The following SNRPD1 variants were observed in gnomAD, a reference collection of about 807,000 sequenced individuals.
SNRPD1 encodes small nuclear ribonucleoprotein D1 polypeptide, also known as small nuclear ribonucleoprotein Sm D1.
SNRPD1 carries 1 observed loss-of-function variant against 14.4 expected under a neutral mutation model. The observed-to-expected ratio is 0.07, with a 90% CI of 0.02 to 0.33. The LOEUF (loss-of-function observed/expected upper bound fraction) is 0.33. SNRPD1 is among the 10% of genes least tolerant of loss of function. SNRPD1 has a pLI of 1.00. For missense variants in SNRPD1, 52 were observed against 146.4 expected, an observed-to-expected ratio of 0.36 and a Z score of 3.33; for synonymous variants, 42 against 50.3, an observed-to-expected ratio of 0.83 and a Z score of 0.70.
In SNRPD1 at chr18:21,631,432, T is replaced by G. The variant is rs2039082822; in HGVS notation, c.*2294T>G. The G allele has an allele frequency of 7.6e-6, 1 of 131,258 alleles. No individual in the cohort carries two copies. Among genetic ancestry groups the G allele is most frequent in the Admixed American group, 7.7e-5 (1 of 13,018 alleles). 8.1% of individuals were successfully genotyped at this position (131,258 alleles called of 1,614,324 possible). A position where few individuals can be genotyped will look rare whatever the true frequency, so the allele number is the denominator to read the frequency against. ...TATGTAATTTTTCTCCACACGTTTT[T>G]TTTTTTTTTTTTTTTTTTTTTCTGG... On this transcript the variant is annotated 3_prime_UTR_variant, in exon 4 of 4. Coordinates refer to ENST00000300413, the MANE Select transcript of SNRPD1 (RefSeq NM_006938.4).
intron 1 of SNRPD1, among the ~76,000 whole-genome samples, chr18:21,614,602 C>A (rs2038944278): frequency 6.6e-6 from 1 of 152,182 alleles, no homozygotes; most frequent in Non-Finnish European, 1.5e-5. Context: ...TCACCCTAAC[C>A]AAAAACCTGG....
chr18:21,620,851 T>C (rs2038991667), intron 1 of SNRPD1, among the ~76,000 whole-genome samples: 1 of 151,962 alleles, frequency 6.6e-6, no homozygotes, highest in Admixed American at 6.6e-5. Flanking sequence ...ACGGAAGAAA[T>C]AGTTTTCCCA....
intron 3 of SNRPD1, among the ~76,000 whole-genome samples, chr18:21,624,374 CAA>C (rs768597872): frequency 3.7e-5 from 4 of 107,270 alleles, no homozygotes; most frequent in Non-Finnish European, 5.8e-5. Flanking sequence ...GCCACTGTCT[CAA>C]AAAAAAAAAA....
Position 21,623,849 on chromosome 18 carries a change from A to G in SNRPD1, c.193A>G (p.Ile65Val), listed in dbSNP as rs1439726672. 1 of 1,611,156 alleles carries G rather than the reference A, an allele frequency of 6.2e-7. No homozygotes were observed. Among genetic ancestry groups the G allele is most frequent in the Non-Finnish European group, 8.5e-7 (1 of 1,177,382 alleles). The change falls in exon 3 of 4, where the codon ATT becomes GTT. Residue 65 changes from isoleucine (I) to valine (V), a missense_variant. Physicochemically the swap from Ile to Val is conservative, Grantham distance 29. Transcript: ENST00000300413. ...AACGCTGAGTATTCGAGGAAATAAC[A>G]TTCGGTATTTTATTCTACCAGACAG... ...LETLSIRGNNIRYFILPDSLP... is the reference protein window; with the variant it reads ...LETLSIRGNNVRYFILPDSLP...
At position 21,631,199 on chromosome 18, in the gene SNRPD1, G is replaced by C. The variant is rs2039080621; in HGVS notation, c.*2061G>C. ...GGCTGGAGTGCAGTGGTGCGATCTT[G>C]GCTCACTGCAACCTCTGCGTCCCGG... is the stretch of plus-strand genomic sequence containing the variant. On this transcript the variant is annotated 3_prime_UTR_variant, in exon 4 of 4. Transcript: ENST00000300413. 6.6e-6 allele frequency: 1 copy of C among 151,956 alleles called. No homozygotes were observed. The highest frequency in any genetic ancestry group is 2.1e-4 in the South Asian group (1 of 4,814). 9.4% of individuals were successfully genotyped at this position (151,956 alleles called of 1,614,324 possible).
chr18:21,618,637 T>C (rs2038975071), intron 1 of SNRPD1, among the ~76,000 whole-genome samples: 1 of 152,160 alleles, frequency 6.6e-6, no homozygotes, highest in African/African-American at 2.4e-5. Context: ...AATTTGGAGC[T>C]GAATAACTCT....
rs780312482 is a variant in SNRPD1 at position 21,629,187 on chromosome 18, C to T, written c.*49C>T. The T allele has an allele frequency of 4.4e-6, 6 of 1,378,316 alleles. No homozygotes were observed. Among genetic ancestry groups the T allele is most frequent in the East Asian group, 4.6e-5 (2 of 43,824 alleles). 85.4% of individuals were successfully genotyped at this position (1,378,316 alleles called of 1,614,324 possible). ...TATGAGATTTGGGATATTTTTTGTA[C>T]AGGTTGTGTTTGTTTATGTCAGTTT... On this transcript the variant is annotated 3_prime_UTR_variant, in exon 4 of 4. Coordinates refer to ENST00000300413, the MANE Select transcript of SNRPD1 (RefSeq NM_006938.4).
Position 21,631,228 on chromosome 18 carries a change from C to T in SNRPD1, c.*2090C>T, listed in dbSNP as rs574272862. 1 of 151,772 alleles carries T rather than the reference C, an allele frequency of 6.6e-6. No individual in the cohort carries two copies. Among genetic ancestry groups the T allele is most frequent in the Admixed American group, 6.6e-5 (1 of 15,190 alleles). 9.4% of individuals were successfully genotyped at this position (151,772 alleles called of 1,614,324 possible). Reference sequence around the variant, plus strand: ...CACTGCAACCTCTGCGTCCCGGGTTCAAGAGATTATTGTGCCTCAGCCTCC... The same window carrying T: ...CACTGCAACCTCTGCGTCCCGGGTTTAAGAGATTATTGTGCCTCAGCCTCC... On this transcript the variant is annotated 3_prime_UTR_variant, in exon 4 of 4. Coordinates refer to ENST00000300413, the MANE Select transcript of SNRPD1 (RefSeq NM_006938.4).
chr18:21,621,852 T>C (rs531223503), intron 1 of SNRPD1, among the ~76,000 whole-genome samples: 1 of 152,258 alleles, frequency 6.6e-6, no homozygotes, highest in Admixed American at 6.5e-5. Context: ...GCTGGGATTA[T>C]AAATAGGCAT....
chr18:21,615,220 C>T (rs2146255564), intron 1 of SNRPD1, among the ~76,000 whole-genome samples: 1 of 152,272 alleles, frequency 6.6e-6, no homozygotes, highest in Non-Finnish European at 1.5e-5. Context: ...TTGCGTAAAA[C>T]TTCTTTTAGT....
chr18:21,617,906 G>A (rs2146257093), intron 1 of SNRPD1, among the ~76,000 whole-genome samples: 1 of 152,298 alleles, frequency 6.6e-6, no homozygotes, highest in East Asian at 1.9e-4. Context: ...TTGAACCCGG[G>A]AGACGGAGGT....
At chr18:21,627,012 G>T (rs2039044925) in intron 3 of SNRPD1, among the ~76,000 whole-genome samples, 2 of 150,848 alleles carry the variant, frequency 1.3e-5, no homozygotes, top group African/African-American at 4.9e-5. Context: ...GCAGCAGCTG[G>T]GCGCGGTGGC....
rs1353721504 is a variant in SNRPD1, at chr18:21,632,856, T to C, written c.*3718T>C. 5 of 143,424 alleles carry C rather than the reference T, an allele frequency of 3.5e-5. No homozygotes were observed. Among genetic ancestry groups the C allele is most frequent in the Admixed American group, 7.2e-5 (1 of 13,984 alleles). The allele number at this position is 143,424 out of a possible 1,614,324, so 8.9% of individuals were successfully genotyped here. A position where few individuals can be genotyped will look rare whatever the true frequency, so the allele number is the denominator to read the frequency against. Reference sequence around the variant, plus strand: ...TTTTCTTTTCTTTTCTTTTCTTTTCTTTTTTTTTTTTTGAGACAGAGTCTA... The same window carrying C: ...TTTTCTTTTCTTTTCTTTTCTTTTCCTTTTTTTTTTTTGAGACAGAGTCTA... On this transcript the variant is annotated 3_prime_UTR_variant, in exon 4 of 4. Transcript: ENST00000300413.
intron 1 of SNRPD1, among the ~76,000 whole-genome samples, chr18:21,618,486 A>G (rs527940617): frequency 2.5e-4 from 38 of 151,930 alleles, no homozygotes; most frequent in Non-Finnish European, 5.0e-4. Context: ...TGCTTCCAAA[A>G]ATGATTTGAA....
At chr18:21,613,078 C>G (rs917385294) in intron 1 of SNRPD1, among the ~76,000 whole-genome samples, 1 of 152,116 alleles carries the variant, frequency 6.6e-6, no homozygotes, top group African/African-American at 2.4e-5. Context: ...TTAAGGTAGG[C>G]TTTTTATTTA....
In SNRPD1 at chr18:21,623,688, A is replaced by G. The variant is rs2039014859; in HGVS notation, c.92-60A>G. The G allele has an allele frequency of 3.3e-6, 4 of 1,203,700 alleles. No homozygotes were observed. In the African/African-American group the frequency reaches 4.6e-5, roughly 14 times the overall value. The allele number at this position is 1,203,700 out of a possible 1,614,324, so 74.6% of individuals were successfully genotyped here. A position where few individuals can be genotyped will look rare whatever the true frequency, so the allele number is the denominator to read the frequency against. The stretch of plus-strand genomic sequence containing the variant: ...TCCAGTATTTACTGTGGCTCAGTAG[A>G]TTAATTAGTTGCCTTAACTTGTATC... On this transcript the variant is annotated intron_variant, in intron 2 of 3. Coordinates refer to ENST00000300413, the MANE Select transcript of SNRPD1 (RefSeq NM_006938.4).
rs756752070 is a variant in SNRPD1, at chr18:21,621,586, T to A, written c.15-1139T>A. On this transcript the variant is annotated intron_variant, in intron 1 of 3. Transcript: ENST00000300413. The stretch of plus-strand genomic sequence containing the variant: ...TCGCTAATTTATTTTTATTTTTTTT[T>A]AATTTTTTTTGAGATGGAGTCTTGC... 2.1e-4 allele frequency among the ~76,000 whole-genome samples: 32 copies of A among 152,070 alleles called. 1 individual carries two copies. The highest frequency in any genetic ancestry group is 9.7e-4 in the East Asian group (5 of 5,160).
At position 21,617,099 on chromosome 18, in the gene SNRPD1, GCAT is replaced by G. The variant is rs1402478755; in HGVS notation, c.14+4660_14+4662del. On this transcript the variant is annotated intron_variant, in intron 1 of 3. Coordinates refer to ENST00000300413, the MANE Select transcript of SNRPD1 (RefSeq NM_006938.4). The stretch of plus-strand genomic sequence containing the variant: ...TCTGTATGGATTTCCAGTTATTCCA[GCAT>G]CATTTGTTGAAAACACTTTCCTTTG... 2.6e-5 allele frequency among the ~76,000 whole-genome samples: 4 copies of G among 152,228 alleles called. No homozygotes were observed. In the South Asian group the frequency reaches 6.2e-4, roughly 24 times the overall value.
chr18:21,630,174 C>G lies in SNRPD1; in HGVS notation c.*1036C>G, dbSNP rs1181220023. The G allele has an allele frequency of 3.3e-5, 5 of 152,084 alleles. No individual in the cohort carries two copies. Among genetic ancestry groups the G allele is most frequent in the Non-Finnish European group, 1.5e-5 (1 of 68,036 alleles). The allele number at this position is 152,084 out of a possible 1,614,324, so 9.4% of individuals were successfully genotyped here. ...AAATCTCCTATTAATGTGTAATGTA[C>G]CTGTCAGTGCCTCCTTTATTAAGGG... On this transcript the variant is annotated 3_prime_UTR_variant, in exon 4 of 4. Coordinates refer to ENST00000300413, the MANE Select transcript of SNRPD1 (RefSeq NM_006938.4).
Sources: allele counts gnomAD v4.1 joint callset (sites outside exome capture counted in the v4.1 genomes callset), GRCh38; gene constraint gnomAD v4.1.1; transcripts MANE v1.5; gene names NCBI Gene and HGNC (gene_info 2026-07-23, HGNC 2026-07-21).